The following LY6S variants were observed in gnomAD, a reference collection of about 807,000 sequenced individuals.
LY6S encodes the protein lymphocyte antigen 6S.
At chr8:143,060,892 C>T in the LY6S span, among the ~76,000 whole-genome samples, 1 of 151,954 alleles carries the variant, frequency 6.6e-6, no homozygotes, top group Non-Finnish European at 1.5e-5. Flanking sequence ...ACTGATGAAT[C>T]ACGTAAAATA....
chr8:143,073,943 C>CT, the LY6S span, among the ~76,000 whole-genome samples: 2 of 117,462 alleles, frequency 1.7e-5, no homozygotes, highest in South Asian at 2.7e-4. Flanking sequence ...CCGTCGTCCC[C>CT]GGGGTCCCTG....
At chr8:143,042,327 C>T in the LY6S span, 1 of 152,654 alleles carries the variant, frequency 6.6e-6, no homozygotes. Context: ...GCCTGGCCCA[C>T]ACCACAGGAT....
chr8:143,066,876 G>A, the LY6S span, among the ~76,000 whole-genome samples: 70 of 152,238 alleles, frequency 4.6e-4, no homozygotes, highest in African/African-American at 1.6e-3. Flanking sequence ...CATGAGATTC[G>A]GGAAGCCCAG....
the LY6S span, among the ~76,000 whole-genome samples, chr8:143,074,897 G>C: frequency 6.6e-6 from 1 of 152,132 alleles, no homozygotes; most frequent in African/African-American, 2.4e-5. Flanking sequence ...CGAGAAAGGG[G>C]CCCCCCAAGA....
At chr8:143,056,840 G>T in the LY6S span, among the ~76,000 whole-genome samples, 3 of 152,128 alleles carry the variant, frequency 2.0e-5, no homozygotes, top group Non-Finnish European at 2.9e-5. Flanking sequence ...TGATATTTTT[G>T]AGGATAACTG....
the LY6S span, chr8:143,044,818 G>A: frequency 2.2e-6 from 3 of 1,365,280 alleles, no homozygotes; most frequent in Admixed American, 5.7e-5. Context: ...AGAGGGCAAG[G>A]TGGGTGACTG....
the LY6S span, among the ~76,000 whole-genome samples, chr8:143,072,607 C>T: frequency 7.0e-6 from 1 of 142,146 alleles, no homozygotes; most frequent in Non-Finnish European, 1.6e-5. Context: ...GAGGAGACAG[C>T]CGTCGTCCTC....
chr8:143,073,933 C>A, the LY6S span, among the ~76,000 whole-genome samples: 6 of 151,014 alleles, frequency 4.0e-5, no homozygotes, highest in Non-Finnish European at 8.9e-5. Context: ...GAGGAGACAG[C>A]CGTCGTCCCC....
At chr8:143,061,740 T>C in the LY6S span, among the ~76,000 whole-genome samples, 5 of 152,110 alleles carry the variant, frequency 3.3e-5, no homozygotes, top group Non-Finnish European at 7.3e-5. Context: ...ATGGGTTTTC[T>C]CCATGTTGGT....
the LY6S span, among the ~76,000 whole-genome samples, chr8:143,070,461 TATA>T: frequency 4.5e-4 from 20 of 44,050 alleles, 1 homozygote; most frequent in African/African-American, 5.8e-4. Context: ...TATATATATA[TATA>T]ATATATATAT....
At chr8:143,050,176 C>CT in the LY6S span, among the ~76,000 whole-genome samples, 592 of 114,814 alleles carry the variant, frequency 5.2e-3, 5 homozygotes, top group East Asian at 0.019. Flanking sequence ...CAAAACCTGA[C>CT]TTTTTTTTTT....
the LY6S span, chr8:143,057,464 G>A: frequency 3.2e-6 from 2 of 617,728 alleles, no homozygotes; most frequent in Non-Finnish European, 6.0e-6. Flanking sequence ...TGGCCAGGCT[G>A]GTTTCGAACT....
chr8:143,071,789 G>A, the LY6S span, among the ~76,000 whole-genome samples: 1 of 152,102 alleles, frequency 6.6e-6, no homozygotes, highest in African/African-American at 2.4e-5. Flanking sequence ...CGGCTTCAGC[G>A]ACCCCAGGAA....
chr8:143,058,319 T>C, the LY6S span, among the ~76,000 whole-genome samples: 23 of 152,174 alleles, frequency 1.5e-4, 1 homozygote, highest in Middle Eastern at 6.8e-3. Flanking sequence ...ATTTATTGGA[T>C]ACAAAGCAAA....
chr8:143,065,566 T>C, the LY6S span, among the ~76,000 whole-genome samples: 7,460 of 152,098 alleles, frequency 0.049, 589 homozygotes, highest in African/African-American at 0.17. Context: ...GAATATTTTT[T>C]TTTTTTTGGT....
At chr8:143,042,276 G>C in the LY6S span, 1 of 152,278 alleles carries the variant, frequency 6.6e-6, no homozygotes, top group South Asian at 2.1e-4. Context: ...CCCCTGACAC[G>C]GGGCATCATG....
chr8:143,042,797 C>G, the LY6S span, among the ~76,000 whole-genome samples: 1 of 152,186 alleles, frequency 6.6e-6, no homozygotes, highest in Admixed American at 6.5e-5. Flanking sequence ...GACTCCCGCC[C>G]TGGGCCACGG....
the LY6S span, among the ~76,000 whole-genome samples, chr8:143,068,675 C>G: frequency 1.3e-5 from 2 of 152,112 alleles, no homozygotes; most frequent in Non-Finnish European, 2.9e-5. Context: ...TCTCAGTTCC[C>G]TTGGAGAACA....
the LY6S span, among the ~76,000 whole-genome samples, chr8:143,070,602 C>CCA: frequency 6.7e-6 from 1 of 148,630 alleles, no homozygotes; most frequent in Non-Finnish European, 1.5e-5. Context: ...TTCTCCTGCT[C>CCA]CAGCCTCCTG....
Sources: gnomAD v4.1 joint callset for allele counts (sites outside exome capture counted in the v4.1 genomes callset) on GRCh38, gnomAD v4.1.1 for gene constraint, MANE v1.5 for transcripts, NCBI Gene and HGNC (gene_info 2026-07-23, HGNC 2026-07-21) for gene names.